ERBB4: variants seen among roughly 807,000 people sequenced by gnomAD.
The protein encoded by ERBB4 is erb-b2 receptor tyrosine kinase 4, also known as receptor tyrosine-protein kinase erbB-4.
Under a neutral mutation model 158.0 loss-of-function variants are expected in ERBB4, and 42 were observed. That is an observed-to-expected ratio of 0.27 (90% CI 0.21 to 0.34). The LOEUF is 0.34. ERBB4 is among the 10% of genes least tolerant of loss of function. The pLI, the probability that ERBB4 is intolerant of heterozygous loss-of-function variation, is 1.00. For missense variants in ERBB4, 1,333 were observed against 1,624.1 expected, an observed-to-expected ratio of 0.82 and a Z score of 3.08; for synonymous variants, 583 against 558.7, an observed-to-expected ratio of 1.04 and a Z score of -0.61.
chr2:212,404,387 C>T (rs1160756244), intron 1 of ERBB4, among the ~76,000 whole-genome samples: 2 of 152,024 alleles, frequency 1.3e-5, no homozygotes, highest in African/African-American at 4.8e-5. Flanking sequence ...CCCACAGTGT[C>T]CCTCATTATT....
In ERBB4 at chr2:211,752,816, C is replaced by CA. The variant is rs57926270; in HGVS notation, c.557-2113dup. ...AAATGTGATATAGTACCCACACACACAAAAAACAAGTTTAAATAATTTAAC... is the reference window on the plus strand; with the variant it reads ...AAATGTGATATAGTACCCACACACACAAAAAAACAAGTTTAAATAATTTAAC... On this transcript the variant is annotated intron_variant, in intron 4 of 27. Transcript: ENST00000342788. Among the ~76,000 whole-genome samples, 1,252 of 151,466 alleles carry CA rather than the reference C, an allele frequency of 8.3e-3. 24 individuals carry two copies. The highest frequency in any genetic ancestry group is 0.048 in the Middle Eastern group (14 of 292).
Position 211,376,302 on chromosome 2 carries a change from A to G in ERBB4, c.*7313T>C, listed in dbSNP as rs147488854. 82 of 233,138 alleles carry G rather than the reference A, an allele frequency of 3.5e-4. No individual in the cohort carries two copies. The East Asian group carries it at 4.7e-3, about 13-fold the overall frequency. 14.4% of individuals were successfully genotyped at this position (233,138 alleles called of 1,614,324 possible). A position where few individuals can be genotyped will look rare whatever the true frequency, so the allele number is the denominator to read the frequency against. ...TTACTTATATACAAATCAACCCTAA[A>G]GACAATTATGTTCCAAATAAAGATG... On this transcript the variant is annotated 3_prime_UTR_variant, in exon 28 of 28. Coordinates refer to ENST00000342788, the MANE Select transcript of ERBB4 (RefSeq NM_005235.3).
intron 1 of ERBB4, among the ~76,000 whole-genome samples, chr2:212,489,806 A>G (rs1046958206): frequency 1.3e-5 from 2 of 151,738 alleles, no homozygotes; most frequent in African/African-American, 4.8e-5. Flanking sequence ...AAGTGTAAAT[A>G]TGAACTTTAA....
intron 1 of ERBB4, among the ~76,000 whole-genome samples, chr2:212,188,184 G>GTCTCGGTCTCTCTCTCTCTC (rs2082071996): frequency 4.9e-5 from 1 of 20,490 alleles, no homozygotes; most frequent in Non-Finnish European, 1.1e-4. Context: ...ATACCTTCAG[G>GTCTCGGTCTCTCTCTCTCTC]TCTCTCTCTC....
At chr2:211,550,964 A>G (rs1297589988) in intron 20 of ERBB4, among the ~76,000 whole-genome samples, 1 of 151,446 alleles carries the variant, frequency 6.6e-6, no homozygotes, top group Non-Finnish European at 1.5e-5. Context: ...GTTGGGGGAC[A>G]GGGTCTCGCT....
At chr2:212,510,342 G>A (rs1201443987) in intron 1 of ERBB4, among the ~76,000 whole-genome samples, 1 of 150,898 alleles carries the variant, frequency 6.6e-6, no homozygotes, top group African/African-American at 2.4e-5. Context: ...ATAAACTATA[G>A]AAGTAATAAC....
At chr2:211,881,217 G>A (rs148287630) in intron 3 of ERBB4, among the ~76,000 whole-genome samples, 36 of 152,232 alleles carry the variant, frequency 2.4e-4, no homozygotes, top group African/African-American at 8.2e-4. Flanking sequence ...AAGTGGTCTC[G>A]GCCAAAGCAA....
chr2:211,455,168 A>C (rs13386225), intron 20 of ERBB4, among the ~76,000 whole-genome samples: 14,236 of 152,264 alleles, frequency 0.093, 2,249 homozygotes, highest in African/African-American at 0.32. Flanking sequence ...CATCTATTTC[A>C]ATAGAAAATG....
intron 1 of ERBB4, among the ~76,000 whole-genome samples, chr2:212,277,012 A>G (rs1052614243): frequency 1.3e-5 from 2 of 151,778 alleles, no homozygotes; most frequent in African/African-American, 2.4e-5. Flanking sequence ...CCATTACATT[A>G]ATCTCACATC....
At chr2:212,162,260 T>C (rs2081222520) in intron 1 of ERBB4, among the ~76,000 whole-genome samples, 1 of 151,880 alleles carries the variant, frequency 6.6e-6, no homozygotes, top group Admixed American at 6.6e-5. Flanking sequence ...AAATTACTCA[T>C]ACATGCACCA....
In ERBB4 at chr2:212,447,774, TTGTGTGTGTGTG is replaced by T. The variant is rs3040357; in HGVS notation, c.82+90663_82+90674del. Among the ~76,000 whole-genome samples the T allele has an allele frequency of 3.4e-5, 5 of 147,104 alleles. No homozygotes were observed. The South Asian group carries it at 6.6e-4, about 19-fold the overall frequency. On this transcript the variant is annotated intron_variant, in intron 1 of 27. Coordinates refer to ENST00000342788, the MANE Select transcript of ERBB4 (RefSeq NM_005235.3). ...CTAAAATATAACTCTTCATAAAAGA[TTGTGTGTGTGTG>T]TGTGTGTGTGTGTGTGTGTGTATTC... is the stretch of plus-strand genomic sequence containing the variant.
At chr2:212,401,762 T>TA (rs1375973308) in intron 1 of ERBB4, among the ~76,000 whole-genome samples, 2 of 152,078 alleles carry the variant, frequency 1.3e-5, no homozygotes, top group Non-Finnish European at 1.5e-5. Context: ...TACTGTGGTT[T>TA]AGAGTATAGA....
intron 2 of ERBB4, among the ~76,000 whole-genome samples, chr2:212,088,503 A>G (rs2078680874): frequency 6.6e-6 from 1 of 152,192 alleles, no homozygotes; most frequent in Non-Finnish European, 1.5e-5. Flanking sequence ...AGAGTTGAAT[A>G]TGATGCAATC....
chr2:212,099,381 A>G (rs1342937921), intron 2 of ERBB4, among the ~76,000 whole-genome samples: 1 of 152,084 alleles, frequency 6.6e-6, no homozygotes, highest in Non-Finnish European at 1.5e-5. Context: ...TTATAAGAAA[A>G]TTATAATAAA....
At chr2:212,298,747 T>TACAATGAAATCAGAC (rs1559957655) in intron 1 of ERBB4, among the ~76,000 whole-genome samples, 3 of 151,718 alleles carry the variant, frequency 2.0e-5, no homozygotes, top group South Asian at 2.1e-4. Flanking sequence ...CTCCACAAGA[T>TACAATGAAATCAGAC]ACAATGAAAT....
At chr2:211,661,533 CTT>C (rs1297365531) in intron 15 of ERBB4, among the ~76,000 whole-genome samples, 3 of 152,046 alleles carry the variant, frequency 2.0e-5, no homozygotes. Context: ...GTACTAATGA[CTT>C]ATAAGTTCCT....
intron 3 of ERBB4, among the ~76,000 whole-genome samples, chr2:211,890,623 G>C (rs1254219201): frequency 7.1e-6 from 1 of 140,240 alleles, no homozygotes; most frequent in African/African-American, 2.7e-5. Context: ...ATTGGATAAA[G>C]AGTCAAGACC....
intron 16 of ERBB4, among the ~76,000 whole-genome samples, chr2:211,640,492 T>C (rs2070538740): frequency 6.6e-6 from 1 of 152,192 alleles, no homozygotes; most frequent in African/African-American, 2.4e-5. Context: ...ATATGTGTTA[T>C]GTCAAATAAC....
At chr2:212,448,940 C>T (rs897345255) in intron 1 of ERBB4, among the ~76,000 whole-genome samples, 5 of 151,986 alleles carry the variant, frequency 3.3e-5, no homozygotes, top group African/African-American at 9.7e-5. Context: ...TTTGCTTTTC[C>T]TCTTTTATGT....
Sources: gnomAD v4.1 joint callset for allele counts (sites outside exome capture counted in the v4.1 genomes callset) on GRCh38, gnomAD v4.1.1 for gene constraint, MANE v1.5 for transcripts, NCBI Gene and HGNC (gene_info 2026-07-23, HGNC 2026-07-21) for gene names.